The following ATF6 variants were observed in gnomAD, a reference collection of about 807,000 sequenced individuals.
The protein encoded by ATF6 is cyclic AMP-dependent transcription factor ATF-6 alpha.
In ATF6, 53 loss-of-function variants were observed where a neutral mutation model predicts 83.6. The observed-to-expected ratio is 0.63, with a 90% CI of 0.51 to 0.80. The LOEUF (loss-of-function observed/expected upper bound fraction) is 0.80, where lower values mean the gene tolerates loss of function less well. ATF6 is among the 30% of genes least tolerant of loss of function. ATF6 has a pLI of 0.00. For synonymous variants in ATF6, 288 were observed against 285.8 expected, an observed-to-expected ratio of 1.01 and a Z score of -0.08; for missense variants, 744 against 797.9, an observed-to-expected ratio of 0.93 and a Z score of 0.81.
chr1:161,829,188 A>ATTTTTTTTTTTT (rs1474053685), intron 9 of ATF6, among the ~76,000 whole-genome samples: 3 of 115,610 alleles, frequency 2.6e-5, no homozygotes, highest in African/African-American at 9.5e-5. Flanking sequence ...ATAATGGGAG[A>ATTTTTTTTTTTT]CTTTTTTTTT....
chr1:161,953,695 T>G (rs1376411083), intron 15 of ATF6, among the ~76,000 whole-genome samples: 2 of 152,176 alleles, frequency 1.3e-5, no homozygotes, highest in African/African-American at 4.8e-5. Context: ...GTGTTCTCCC[T>G]TAAGCCTCCA....
At chr1:161,851,928 A>G in intron 11 of ATF6, 93 bp downstream of exon 11, 1 of 854,352 alleles carries the variant, frequency 1.2e-6, no homozygotes, top group Non-Finnish European at 1.9e-6. Context: ...TCACTAAGTG[A>G]CTGAGAGAAT....
intron 9 of ATF6, among the ~76,000 whole-genome samples, chr1:161,829,901 GGAT>G (rs1412768181): frequency 1.3e-5 from 2 of 151,860 alleles, no homozygotes; most frequent in African/African-American, 2.4e-5. Flanking sequence ...CACAAGACAG[GGAT>G]GCCCTCTCTC....
At chr1:161,848,367 A>G (rs1322102911) in intron 10 of ATF6, among the ~76,000 whole-genome samples, 2 of 151,986 alleles carry the variant, frequency 1.3e-5, no homozygotes, top group East Asian at 3.8e-4. Context: ...CAGCCGTGAT[A>G]CCTATACATT....
chr1:161,940,323 C>T (rs1688618188), intron 15 of ATF6, among the ~76,000 whole-genome samples: 1 of 152,100 alleles, frequency 6.6e-6, no homozygotes. Context: ...TCCTTAAAAC[C>T]TTCCTCTGTC....
rs138776906 is a variant in ATF6, at chr1:161,775,890, A to ATGTG, written c.83-2350_83-2347dup. 2.2e-3 allele frequency among the ~76,000 whole-genome samples: 290 copies of ATGTG among 134,536 alleles called. 1 individual carries two copies. The highest frequency in any genetic ancestry group is 6.4e-3 in the African/African-American group (253 of 39,532). 88.3% of individuals were successfully genotyped at this position (134,536 alleles called of 152,430 possible). A position where few individuals can be genotyped will look rare whatever the true frequency, so the allele number is the denominator to read the frequency against. The stretch of plus-strand genomic sequence containing the variant: ...AGACAGAACTAGGAAATATATATAC[A>ATGTG]TGTGTGTATATATATATATATGTGC... On this transcript the variant is annotated intron_variant, in intron 1 of 15. Coordinates refer to ENST00000367942, the MANE Select transcript of ATF6 (RefSeq NM_007348.4).
chr1:161,904,143 A>G (rs533107468), intron 14 of ATF6, among the ~76,000 whole-genome samples: 1 of 152,350 alleles, frequency 6.6e-6, no homozygotes, highest in South Asian at 2.1e-4. Flanking sequence ...ACTTAATACT[A>G]TTATACTATT....
chr1:161,860,899 G>A (rs1220800812), intron 13 of ATF6, among the ~76,000 whole-genome samples: 1 of 152,096 alleles, frequency 6.6e-6, no homozygotes, highest in Non-Finnish European at 1.5e-5. Context: ...TCTTCAAAGG[G>A]AAATATAATA....
At chr1:161,810,370 A>C (rs528946459) in intron 7 of ATF6, among the ~76,000 whole-genome samples, 1 of 152,146 alleles carries the variant, frequency 6.6e-6, no homozygotes, top group South Asian at 2.1e-4. Flanking sequence ...AAACAACCAG[A>C]TCTTATGAGA....
intron 14 of ATF6, among the ~76,000 whole-genome samples, chr1:161,863,849 A>C (rs1686935185): frequency 6.6e-6 from 1 of 152,214 alleles, no homozygotes; most frequent in Non-Finnish European, 1.5e-5. Flanking sequence ...GCTTATGTAA[A>C]AGTAAATGTT....
chr1:161,928,175 G>T (rs1558029157), intron 15 of ATF6, among the ~76,000 whole-genome samples: 1 of 152,122 alleles, frequency 6.6e-6, no homozygotes, highest in South Asian at 2.1e-4. Flanking sequence ...CTTTCTGCAT[G>T]GTCCTTTGAG....
Position 161,792,277 on chromosome 1 carries a change from CA to C in ATF6, c.639del (p.Leu214TrpfsTer57). On this transcript the variant is annotated frameshift_variant, in exon 6 of 16. Coordinates refer to ENST00000367942, the MANE Select transcript of ATF6 (RefSeq NM_007348.4). LOFTEE classifies it high-confidence loss of function. ...IIIQTVPTLM[P>X]LAKQQPIISL... is the part of the protein sequence containing the mutation. ...ATTCAGACAGTACCAACGCTTATGC[CA>C]TTGGCAAAGCAGCAACCAATTATCA... The C allele has an allele frequency of 1.2e-6, 2 of 1,614,102 alleles. No homozygotes were observed. Among genetic ancestry groups the C allele is most frequent in the Non-Finnish European group, 1.7e-6 (2 of 1,180,002 alleles).
At chr1:161,803,807 A>G (rs1370860253) in intron 7 of ATF6, among the ~76,000 whole-genome samples, 1 of 152,156 alleles carries the variant, frequency 6.6e-6, no homozygotes, top group Non-Finnish European at 1.5e-5. Context: ...AGAATGATGA[A>G]AAAGGATTTT....
At chr1:161,856,579 C>T (rs1332703524) in intron 12 of ATF6, among the ~76,000 whole-genome samples, 4 of 152,070 alleles carry the variant, frequency 2.6e-5, no homozygotes, top group Admixed American at 6.5e-5. Flanking sequence ...ATAGTTTGAG[C>T]GATATAGGTT....
At chr1:161,773,336 A>G (rs1684438773) in intron 1 of ATF6, among the ~76,000 whole-genome samples, 1 of 151,686 alleles carries the variant, frequency 6.6e-6, no homozygotes, top group African/African-American at 2.4e-5. Flanking sequence ...ACGGGGTTTC[A>G]CCGTGTTAGC....
intron 6 of ATF6, among the ~76,000 whole-genome samples, chr1:161,794,432 T>C (rs1406697968): frequency 6.6e-6 from 1 of 152,150 alleles, no homozygotes; most frequent in Non-Finnish European, 1.5e-5. Context: ...AATGTAAAAC[T>C]CTTCACAATT....
At chr1:161,874,794 T>G (rs1440459953) in intron 14 of ATF6, among the ~76,000 whole-genome samples, 1 of 151,720 alleles carries the variant, frequency 6.6e-6, no homozygotes, top group Non-Finnish European at 1.5e-5. Flanking sequence ...ATAATAATTT[T>G]TCTTTGACTT....
intron 10 of ATF6, among the ~76,000 whole-genome samples, chr1:161,848,034 A>G (rs568912498): frequency 3.3e-5 from 5 of 152,114 alleles, no homozygotes; most frequent in African/African-American, 9.6e-5. Context: ...AGAGTAGTAC[A>G]TGGGATGCAA....
intron 15 of ATF6, among the ~76,000 whole-genome samples, chr1:161,944,538 G>T (rs1688709931): frequency 1.3e-5 from 2 of 152,202 alleles, no homozygotes; most frequent in African/African-American, 4.8e-5. Flanking sequence ...GGGTATTTCT[G>T]TAACTCTCCT....
Sources: gnomAD v4.1 joint callset for allele counts (sites outside exome capture counted in the v4.1 genomes callset) on GRCh38, gnomAD v4.1.1 for gene constraint, MANE v1.5 for transcripts, NCBI Gene and HGNC (gene_info 2026-07-23, HGNC 2026-07-21) for gene names.